CSMD1: variants seen among roughly 807,000 people sequenced by gnomAD.
CSMD1 encodes the protein CUB and sushi domain-containing protein 1.
Under a neutral mutation model 417.5 loss-of-function variants are expected in CSMD1, and 213 were observed. That is an observed-to-expected ratio of 0.51 (90% CI 0.46 to 0.57). The LOEUF (loss-of-function observed/expected upper bound fraction) is 0.57. Ranked by LOEUF, CSMD1 falls within the 20% of genes least tolerant of loss-of-function variation. CSMD1 has a pLI of 0.00. For missense variants in CSMD1, 6,923 were observed against 4,529.7 expected, an observed-to-expected ratio of 1.53 and a Z score of -15.17; for synonymous variants, 2,862 against 1,736.8, an observed-to-expected ratio of 1.65 and a Z score of -16.11.
chr8:4,708,081 G>A (rs1808063880), intron 1 of CSMD1, among the ~76,000 whole-genome samples: 1 of 152,010 alleles, frequency 6.6e-6, no homozygotes, highest in African/African-American at 2.4e-5. Flanking sequence ...GTAGCTGGGA[G>A]AACAGGCATC....
intron 40 of CSMD1, among the ~76,000 whole-genome samples, chr8:3,142,975 A>C (rs1228890136): frequency 6.6e-6 from 1 of 152,232 alleles, no homozygotes; most frequent in Non-Finnish European, 1.5e-5. Flanking sequence ...TCCTTAGGTA[A>C]CAACTAGCAC....
At chr8:4,040,385 A>C (rs561193641) in intron 3 of CSMD1, among the ~76,000 whole-genome samples, 55 of 152,312 alleles carry the variant, frequency 3.6e-4, no homozygotes, top group African/African-American at 1.3e-3. Flanking sequence ...ACAAACAAAA[A>C]CATGCTGCAG....
chr8:4,086,524 C>A (rs180865417), intron 3 of CSMD1, among the ~76,000 whole-genome samples: 66 of 152,332 alleles, frequency 4.3e-4, no homozygotes, highest in African/African-American at 1.6e-3. Context: ...GACTGGTCAA[C>A]TCCCAATTTG....
chr8:3,310,247 C>T (rs1276853295), intron 23 of CSMD1, among the ~76,000 whole-genome samples: 1 of 152,116 alleles, frequency 6.6e-6, no homozygotes, highest in Non-Finnish European at 1.5e-5. Context: ...ATGACAAAAT[C>T]CATCATTATT....
intron 26 of CSMD1, among the ~76,000 whole-genome samples, chr8:3,250,303 G>T (rs902992811): frequency 6.6e-6 from 1 of 152,166 alleles, no homozygotes; most frequent in African/African-American, 2.4e-5. Context: ...GTGAGAACAT[G>T]TGGTGTTTGG....
rs531909578 is a variant in CSMD1 at position 3,939,149 on chromosome 8, T to A, written c.818+58754A>T. Among the ~76,000 whole-genome samples, 13 of 152,244 alleles carry A rather than the reference T, an allele frequency of 8.5e-5. 1 individual carries two copies. In the South Asian group the frequency reaches 1.7e-3, roughly 19 times the overall value. ...AAAACTGTTCTTGCCCTGTGGAGAATAAACCAATCTAACATAGTTTCTGAG... is the reference window on the plus strand; with the variant it reads ...AAAACTGTTCTTGCCCTGTGGAGAAAAAACCAATCTAACATAGTTTCTGAG... On this transcript the variant is annotated intron_variant, in intron 5 of 69. Transcript: ENST00000635120.
At chr8:4,677,195 T>A (rs1379486593) in intron 1 of CSMD1, among the ~76,000 whole-genome samples, 1 of 150,448 alleles carries the variant, frequency 6.6e-6, no homozygotes, top group African/African-American at 2.4e-5. Flanking sequence ...CAGGTAACTA[T>A]ACATAATAGT....
At chr8:2,939,897 G>C (rs1430257540) in intron 69 of CSMD1, among the ~76,000 whole-genome samples, 1 of 152,190 alleles carries the variant, frequency 6.6e-6, no homozygotes, top group Non-Finnish European at 1.5e-5. Context: ...CAATCGTCCA[G>C]ATCACAAGCT....
intron 5 of CSMD1, among the ~76,000 whole-genome samples, chr8:3,927,444 A>G (rs113453505): frequency 0.05 from 7,632 of 152,020 alleles, 277 homozygotes; most frequent in South Asian, 0.081. Context: ...AGGCAGGTGG[A>G]TCACAAGGTC....
intron 5 of CSMD1, among the ~76,000 whole-genome samples, chr8:3,996,096 C>G (rs1041967333): frequency 2.0e-5 from 3 of 152,190 alleles, no homozygotes; most frequent in African/African-American, 7.2e-5. Flanking sequence ...CACTCATGAT[C>G]TGTATTTTCT....
At chr8:4,885,864 C>T (rs1017837071) in intron 1 of CSMD1, among the ~76,000 whole-genome samples, 3 of 151,850 alleles carry the variant, frequency 2.0e-5, no homozygotes, top group African/African-American at 7.3e-5. Flanking sequence ...TATCTGAAAA[C>T]AAAACAAAAA....
chr8:3,130,886 G>A (rs1817758796), intron 41 of CSMD1, among the ~76,000 whole-genome samples: 1 of 152,136 alleles, frequency 6.6e-6, no homozygotes, highest in South Asian at 2.1e-4. Context: ...TTTGCCTCCA[G>A]TCTCACTCTA....
intron 1 of CSMD1, among the ~76,000 whole-genome samples, chr8:4,849,369 A>T (rs897355816): frequency 1.3e-5 from 2 of 151,914 alleles, no homozygotes; most frequent in Non-Finnish European, 1.5e-5. Context: ...ACTGAAGTTA[A>T]TTTTTTTCTT....
chr8:4,043,076 G>A (rs1454637219), intron 3 of CSMD1, among the ~76,000 whole-genome samples: 3 of 152,054 alleles, frequency 2.0e-5, no homozygotes, highest in South Asian at 2.1e-4. Flanking sequence ...AGGGTGCAGT[G>A]AGCGGAAATT....
intron 6 of CSMD1, among the ~76,000 whole-genome samples, chr8:3,713,098 A>G (rs1261893887): frequency 1.3e-5 from 2 of 152,220 alleles, no homozygotes; most frequent in Non-Finnish European, 2.9e-5. Context: ...TTTTCTGATA[A>G]CAACATTTAG....
rs566436703 is a variant in CSMD1, at chr8:3,683,606, G to GC, written c.1009+24807dup. On this transcript the variant is annotated intron_variant, in intron 7 of 69. Transcript: ENST00000635120. ...GCACTTTTTTGAATATCATTCTTCT[G>GC]CCAGGTCTTCCGCTGAAAACATGTG... 1.0e-3 allele frequency among the ~76,000 whole-genome samples: 152 copies of GC among 152,216 alleles called. 2 individuals carry two copies. Among genetic ancestry groups the GC allele is most frequent in the African/African-American group, 3.5e-3 (147 of 41,522 alleles).
At chr8:3,675,511 GC>G (rs1799326557) in intron 7 of CSMD1, among the ~76,000 whole-genome samples, 1 of 152,158 alleles carries the variant, frequency 6.6e-6, no homozygotes. Context: ...ATATGTTGAA[GC>G]CCCAATCTCC....
At chr8:4,018,271 G>C (rs1052835373) in intron 4 of CSMD1, among the ~76,000 whole-genome samples, 5 of 152,008 alleles carry the variant, frequency 3.3e-5, no homozygotes, top group African/African-American at 1.2e-4. Context: ...TATGGTGTTT[G>C]AGAGTCTATC....
At chr8:3,091,460 T>C in intron 48 of CSMD1, 56 bp downstream of exon 48, 1 of 1,358,184 alleles carries the variant, frequency 7.4e-7, no homozygotes. Context: ...TTTTATTCAA[T>C]GAAAATCACC....
Sources: allele counts gnomAD v4.1 joint callset (sites outside exome capture counted in the v4.1 genomes callset), GRCh38; gene constraint gnomAD v4.1.1; transcripts MANE v1.5; gene names NCBI Gene and HGNC (gene_info 2026-07-23, HGNC 2026-07-21).